PIK3R5: variants seen among roughly 807,000 people sequenced by gnomAD.
PIK3R5 encodes the protein phosphoinositide-3-kinase regulatory subunit 5, also known as phosphoinositide 3-kinase regulatory subunit 5.
In PIK3R5, 32 loss-of-function variants were observed where a neutral mutation model predicts 94.9. That is an observed-to-expected ratio of 0.34 (90% CI 0.25 to 0.45). The LOEUF (loss-of-function observed/expected upper bound fraction) is 0.45, where lower values mean the gene tolerates loss of function less well. PIK3R5 is among the 20% of genes least tolerant of loss of function. PIK3R5 has a pLI of 1.00. For synonymous variants in PIK3R5, 443 were observed against 479.4 expected, an observed-to-expected ratio of 0.92 and a Z score of 0.99; for missense variants, 853 against 1,144.6, an observed-to-expected ratio of 0.75 and a Z score of 3.68.
Position 8,888,746 on chromosome 17 carries a change from G to C in PIK3R5, c.1041C>G (p.Leu347=). Residue 347 remains leucine (L), a synonymous_variant, in exon 10 of 19, where the codon CTC becomes CTG. Coordinates refer to ENST00000447110, the MANE Select transcript of PIK3R5 (RefSeq NM_001142633.3). The surrounding 1 kb of genome is among the most constrained non-coding windows in gnomAD (Gnocchi z 7.8). ...DGHCAERDSL[L]STSSLASHDS... ...CATGGGACGCCAAAGAGCTGGTGGAGAGCAGGGAATCTCTCTCGGCACAGT... is the reference window on the plus strand; with the variant it reads ...CATGGGACGCCAAAGAGCTGGTGGACAGCAGGGAATCTCTCTCGGCACAGT... 2.5e-6 allele frequency: 4 copies of C among 1,613,658 alleles called. No homozygotes were observed. Among genetic ancestry groups the C allele is most frequent in the Non-Finnish European group, 8.5e-7 (1 of 1,180,008 alleles).
intron 5 of PIK3R5, among the ~76,000 whole-genome samples, chr17:8,901,661 C>T (rs190142739): frequency 6.6e-6 from 1 of 152,250 alleles, no homozygotes; most frequent in Non-Finnish European, 1.5e-5. Context: ...TGCATGTATA[C>T]ATTAGAAAGA....
chr17:8,890,222 C>T lies in PIK3R5; in HGVS notation c.658-96G>A. The T allele has an allele frequency of 7.6e-7, 1 of 1,307,750 alleles. No homozygotes were observed. The highest frequency in any genetic ancestry group is 1.3e-5 in the South Asian group (1 of 78,600). 81.0% of individuals were successfully genotyped at this position (1,307,750 alleles called of 1,614,324 possible). A position where few individuals can be genotyped will look rare whatever the true frequency, so the allele number is the denominator to read the frequency against. On this transcript the variant is annotated intron_variant, in intron 7 of 18. Transcript: ENST00000447110. This position sits in a 1 kb window ranked among gnomAD's most constrained non-coding sequence, Gnocchi z 6.1. ...GCTTCTTACTGAGGGAGGCAGTGAT[C>T]TGTCCCCTCCCAGCCTCATCACCCA...
Position 8,880,622 on chromosome 17 carries a change from C to G in PIK3R5, c.*17G>C. ...GGTTGCCCCAGGGCTTCTGTCCAGT[C>G]TGGCGCTGGGCCCACACTAGGGCAG... On this transcript the variant is annotated 3_prime_UTR_variant, in exon 19 of 19. Coordinates refer to ENST00000447110, the MANE Select transcript of PIK3R5 (RefSeq NM_001142633.3). The G allele has an allele frequency of 6.3e-7, 1 of 1,589,786 alleles. No homozygotes were observed. Among genetic ancestry groups the G allele is most frequent in the Non-Finnish European group, 8.6e-7 (1 of 1,168,332 alleles).
Position 8,896,682 on chromosome 17 carries a change from C to T in PIK3R5, c.413-3027G>A, listed in dbSNP as rs1030799871. On this transcript the variant is annotated intron_variant, in intron 5 of 18. Transcript: ENST00000447110. This position sits in a 1 kb window ranked among gnomAD's most constrained non-coding sequence, Gnocchi z 4.0. Reference sequence around the variant, plus strand: ...TAGATGGGGATCCTGCACAGAACAGCAGACTGTGAAGATCCAGGACACAGG... The same window carrying T: ...TAGATGGGGATCCTGCACAGAACAGTAGACTGTGAAGATCCAGGACACAGG... Among the ~76,000 whole-genome samples, 1 of 152,176 alleles carries T rather than the reference C, an allele frequency of 6.6e-6. No homozygotes were observed. The highest frequency in any genetic ancestry group is 1.5e-5 in the Non-Finnish European group (1 of 68,022).
At position 8,886,958 on chromosome 17, in the gene PIK3R5, A is replaced by T. The variant is rs2089874444; in HGVS notation, c.1905+138T>A. On this transcript the variant is annotated intron_variant, in intron 12 of 18. Transcript: ENST00000447110. ...TCAGGCTCAGTCCTGCTTCTCACCC[A>T]CACTCCCTGATCTTTTCCAAGAGGG... is the stretch of plus-strand genomic sequence containing the variant. 5 of 1,001,564 alleles carry T rather than the reference A, an allele frequency of 5.0e-6. No individual in the cohort carries two copies. In the South Asian group the frequency reaches 6.5e-5, roughly 13 times the overall value. The allele number at this position is 1,001,564 out of a possible 1,614,324, so 62.0% of individuals were successfully genotyped here. A position where few individuals can be genotyped will look rare whatever the true frequency, so the allele number is the denominator to read the frequency against.
At chr17:8,886,696 G>T in intron 12 of PIK3R5, 91 bp from the exon 13 acceptor site, 1 of 1,400,878 alleles carries the variant, frequency 7.1e-7, no homozygotes, top group Non-Finnish European at 9.7e-7. Context: ...AGAGAAGAGA[G>T]ACATAGAGGC....
chr17:8,879,127 TC>T lies in PIK3R5; in HGVS notation c.*1511del, dbSNP rs1039151351. On this transcript the variant is annotated 3_prime_UTR_variant, in exon 19 of 19. Transcript: ENST00000447110. The surrounding 1 kb of genome is among the most constrained non-coding windows in gnomAD (Gnocchi z 4.4). Reference sequence around the variant, plus strand: ...AAGGTAGAAGCTGGCTCTGTCCACGTCTCTCAAGTCATGAGTACTCTGGGCT... The same window carrying T: ...AAGGTAGAAGCTGGCTCTGTCCACGTTCTCAAGTCATGAGTACTCTGGGCT... 1 of 152,144 alleles carries T rather than the reference TC, an allele frequency of 6.6e-6. No homozygotes were observed. The highest frequency in any genetic ancestry group is 2.4e-5 in the African/African-American group (1 of 41,414). 9.4% of individuals were successfully genotyped at this position (152,144 alleles called of 1,614,324 possible).
rs2089862457 is a variant in PIK3R5, at chr17:8,886,489, G to A, written c.2022C>T (p.Val674=). The change falls in exon 13 of 19, where the codon GTC becomes GTT. Residue 674 remains valine (V), a synonymous_variant. Transcript: ENST00000447110. The part of the protein sequence containing the change: ...RFAARPVLLQ[V]YQTELTFITG... ...AGGGAGGCCTTACCTCGGTCTGATA[G>A]ACTTGCAGCAGCACCGGTCTGGCGG... is the stretch of plus-strand genomic sequence containing the variant. 1.9e-6 allele frequency: 3 copies of A among 1,606,388 alleles called. No homozygotes were observed. The highest frequency in any genetic ancestry group is 1.7e-6 in the Non-Finnish European group (2 of 1,175,982).
intron 1 of PIK3R5, among the ~76,000 whole-genome samples, chr17:8,953,970 G>A (rs1046927220): frequency 1.3e-5 from 2 of 151,880 alleles, no homozygotes; most frequent in Admixed American, 1.3e-4. Flanking sequence ...CATCATGCAT[G>A]AGCTCTGAAT....
Position 8,901,588 on chromosome 17 carries a change from G to A in PIK3R5, c.412+3189C>T, listed in dbSNP as rs59990159. 5.8e-3 allele frequency among the ~76,000 whole-genome samples: 881 copies of A among 152,306 alleles called. 9 individuals carry two copies. Among genetic ancestry groups the A allele is most frequent in the African/African-American group, 0.02 (831 of 41,548 alleles). ...TTGGGGAATAAGATTTGGTACTTCT[G>A]TTCTGTGTGTGTTTAATGTGTAAGG... On this transcript the variant is annotated intron_variant, in intron 5 of 18. Transcript: ENST00000447110.
rs1018397097 is a variant in PIK3R5 at position 8,909,684 on chromosome 17, G to C, written c.104-510C>G. On this transcript the variant is annotated intron_variant, in intron 2 of 18. Coordinates refer to ENST00000447110, the MANE Select transcript of PIK3R5 (RefSeq NM_001142633.3). The surrounding 1 kb of genome is among the most constrained non-coding windows in gnomAD (Gnocchi z 4.3). ...ATCAAGACATAATGACAAATTCCCT[G>C]TTCCTGCATATGCAAGAGACACAGG... Among the ~76,000 whole-genome samples, 3 of 152,208 alleles carry C rather than the reference G, an allele frequency of 2.0e-5. No homozygotes were observed. Among genetic ancestry groups the C allele is most frequent in the African/African-American group, 7.2e-5 (3 of 41,442 alleles).
At chr17:8,961,050 TAGAA>T (rs1471752251) in intron 1 of PIK3R5, among the ~76,000 whole-genome samples, 1 of 151,666 alleles carries the variant, frequency 6.6e-6, no homozygotes, top group Non-Finnish European at 1.5e-5. Context: ...TGCGAAGACA[TAGAA>T]AGCACAATGA....
chr17:8,951,614 A>G (rs933331360), intron 1 of PIK3R5, among the ~76,000 whole-genome samples: 5 of 152,362 alleles, frequency 3.3e-5, no homozygotes, highest in Middle Eastern at 3.4e-3. Flanking sequence ...ATTCAATTGA[A>G]TGTATATACA....
At chr17:8,938,405 C>T (rs1230741975) in intron 1 of PIK3R5, among the ~76,000 whole-genome samples, 2 of 152,120 alleles carry the variant, frequency 1.3e-5, no homozygotes, top group East Asian at 3.9e-4. Flanking sequence ...AACGTAAACT[C>T]AACATTTTAA....
chr17:8,919,480 G>C (rs1202214920), intron 1 of PIK3R5, among the ~76,000 whole-genome samples: 2 of 152,198 alleles, frequency 1.3e-5, no homozygotes, highest in Non-Finnish European at 2.9e-5. Flanking sequence ...TCCTAAACTG[G>C]GGCTGAGAAT....
At position 8,904,149 on chromosome 17, in the gene PIK3R5, C is replaced by T. The variant is rs559906191; in HGVS notation, c.412+628G>A. Among the ~76,000 whole-genome samples, 3 of 152,300 alleles carry T rather than the reference C, an allele frequency of 2.0e-5. No individual in the cohort carries two copies. The highest frequency in any genetic ancestry group is 7.2e-5 in the African/African-American group (3 of 41,564). ...TCCTTTGAGTACTGATTCGCTGAGC[C>T]GCTTCTCAGTAAATCACACTTGCTA... On this transcript the variant is annotated intron_variant, in intron 5 of 18. Transcript: ENST00000447110. The surrounding 1 kb of genome is among the most constrained non-coding windows in gnomAD (Gnocchi z 5.1).
intron 1 of PIK3R5, among the ~76,000 whole-genome samples, chr17:8,928,913 C>T (rs1018223040): frequency 6.6e-6 from 1 of 152,120 alleles, no homozygotes; most frequent in Non-Finnish European, 1.5e-5. Context: ...TAAAAAATAA[C>T]ACAGTCTGAT....
chr17:8,894,428 G>A (rs1333545754), intron 5 of PIK3R5, among the ~76,000 whole-genome samples: 1 of 152,096 alleles, frequency 6.6e-6, no homozygotes, highest in African/African-American at 2.4e-5. Context: ...GCACCTCCCC[G>A]TCTCTGCCTG....
In PIK3R5 at chr17:8,909,259, GC is replaced by G; in HGVS notation, c.104-86del. 2 of 771,222 alleles carry G rather than the reference GC, an allele frequency of 2.6e-6. No individual in the cohort carries two copies. Among genetic ancestry groups the G allele is most frequent in the South Asian group, 1.5e-5 (1 of 65,424 alleles). The allele number at this position is 771,222 out of a possible 1,614,324, so 47.8% of individuals were successfully genotyped here. A position where few individuals can be genotyped will look rare whatever the true frequency, so the allele number is the denominator to read the frequency against. ...GGGGCTGTAAAGAAGGGGCATTTAT[GC>G]TGGAACATTTTTCTGTGGTATTGCA... On this transcript the variant is annotated intron_variant, in intron 2 of 18. Transcript: ENST00000447110. This position sits in a 1 kb window ranked among gnomAD's most constrained non-coding sequence, Gnocchi z 4.3.
Sources: allele counts gnomAD v4.1 joint callset (sites outside exome capture counted in the v4.1 genomes callset), GRCh38; gene constraint gnomAD v4.1.1; non-coding constraint Gnocchi (gnomAD v3.1); transcripts MANE v1.5; gene names NCBI Gene and HGNC (gene_info 2026-07-23, HGNC 2026-07-21).